The following TMEM232 variants were observed in gnomAD, a reference collection of about 807,000 sequenced individuals.
TMEM232 encodes transmembrane protein 232.
TMEM232 carries 80 observed loss-of-function variants against 78.8 expected under a neutral mutation model. The ratio of observed to expected loss-of-function variants is 1.01; its 90% CI spans 0.85 to 1.22. The LOEUF (loss-of-function observed/expected upper bound fraction) is 1.22. TMEM232 is among the 50% of genes most tolerant of loss of function. The pLI is 0.00. For missense variants in TMEM232, 881 were observed against 742.2 expected (o/e 1.19, Z -2.17); for synonymous variants, 297 against 254.3 (o/e 1.17, Z -1.60).
Position 110,432,974 on chromosome 5 carries a change from G to A in TMEM232, c.1704-8058C>T, listed in dbSNP as rs186568853. ...ATATGCACTCAATATTGGAGCACCC[G>A]GCTTTATAAAACACTTACTTCTAGC... On this transcript the variant is annotated intron_variant, in intron 12 of 13. Coordinates refer to ENST00000455884, the MANE Select transcript of TMEM232 (RefSeq NM_001039763.4). 5.3e-5 allele frequency among the ~76,000 whole-genome samples: 8 copies of A among 151,700 alleles called. No homozygotes were observed. The East Asian group carries it at 1.4e-3, about 26-fold the overall frequency.
intron 12 of TMEM232, among the ~76,000 whole-genome samples, chr5:110,505,495 GTTTTTCTTTTCTTTTCCT>G (rs1277789078): frequency 2.8e-4 from 42 of 152,150 alleles, no homozygotes; most frequent in Non-Finnish European, 4.9e-4. Context: ...AATACACATT[GTTTTTCTTTTCTTTTCCT>G]TTTTTCTTTT....
chr5:110,644,478 C>A (rs1296669413), intron 2 of TMEM232, among the ~76,000 whole-genome samples: 1 of 151,850 alleles, frequency 6.6e-6, no homozygotes, highest in Non-Finnish European at 1.5e-5. Flanking sequence ...CCCAACATTA[C>A]TGCTTCCAAT....
At chr5:110,598,959 T>C (rs1188419156) in intron 10 of TMEM232, among the ~76,000 whole-genome samples, 4 of 151,372 alleles carry the variant, frequency 2.6e-5, no homozygotes, top group Admixed American at 6.6e-5. Context: ...CATGTATACA[T>C]ATGTAACTAA....
At chr5:110,440,754 A>G (rs1561497623) in intron 12 of TMEM232, among the ~76,000 whole-genome samples, 1 of 152,148 alleles carries the variant, frequency 6.6e-6, no homozygotes, top group East Asian at 1.9e-4. Context: ...GAGGCAACCT[A>G]CGCACTATCT....
intron 1 of TMEM232, among the ~76,000 whole-genome samples, chr5:110,696,538 G>A (rs535487261): frequency 6.6e-6 from 1 of 152,172 alleles, no homozygotes; most frequent in East Asian, 1.9e-4. Flanking sequence ...TGACATGATT[G>A]TATATCTAGA....
At position 110,533,850 on chromosome 5, in the gene TMEM232, C is replaced by T. The variant is rs1581118491; in HGVS notation, c.1456-5015G>A. On this transcript the variant is annotated intron_variant, in intron 11 of 13. Transcript: ENST00000455884. ...TTCCACCAGGCCTAATCGCCACACA[C>T]CAGCAAAGGCAGGCTATGCTATAGT... Among the ~76,000 whole-genome samples, 3 of 152,296 alleles carry T rather than the reference C, an allele frequency of 2.0e-5. No homozygotes were observed. The East Asian group carries it at 5.8e-4, about 29-fold the overall frequency.
intron 10 of TMEM232, among the ~76,000 whole-genome samples, chr5:110,600,236 C>T (rs1780713287): frequency 6.6e-6 from 1 of 152,116 alleles, no homozygotes; most frequent in Non-Finnish European, 1.5e-5. Flanking sequence ...AACACCCTAA[C>T]ATCACAGTTA....
intron 12 of TMEM232, among the ~76,000 whole-genome samples, chr5:110,494,535 G>T (rs1224245169): frequency 1.3e-5 from 2 of 151,996 alleles, no homozygotes; most frequent in African/African-American, 2.4e-5. Flanking sequence ...GTGCAGGGAG[G>T]GAAATAGCAT....
chr5:110,670,483 G>A (rs1791212315), intron 1 of TMEM232, among the ~76,000 whole-genome samples: 1 of 151,930 alleles, frequency 6.6e-6, no homozygotes, highest in Non-Finnish European at 1.5e-5. Flanking sequence ...AAATAAAAGA[G>A]GACACAAACA....
chr5:110,657,806 G>C (rs1374769500), intron 2 of TMEM232, among the ~76,000 whole-genome samples: 2 of 152,044 alleles, frequency 1.3e-5, no homozygotes, highest in African/African-American at 4.8e-5. Flanking sequence ...CTTTAAAACA[G>C]CAGTTTCATT....
chr5:110,627,268 C>G (rs1580414249), intron 6 of TMEM232, among the ~76,000 whole-genome samples: 1 of 151,958 alleles, frequency 6.6e-6, no homozygotes, highest in African/African-American at 2.4e-5. Flanking sequence ...ATGAATTTAA[C>G]TTTCCTGAAA....
chr5:110,705,142 G>C (rs564482797), intron 1 of TMEM232, among the ~76,000 whole-genome samples: 72 of 152,152 alleles, frequency 4.7e-4, no homozygotes, highest in Middle Eastern at 6.8e-3. Context: ...CAACATTTTG[G>C]GTTGTCAACC....
chr5:110,423,780 C>CGTGTGTGTGTGTGTGTGTGTGT (rs146104536), intron 13 of TMEM232, among the ~76,000 whole-genome samples: 1 of 142,386 alleles, frequency 7.0e-6, no homozygotes, highest in South Asian at 2.3e-4. Flanking sequence ...TTTATGCGTG[C>CGTGTGTGTGTGTGTGTGTGTGT]GTGTGTGTGT....
chr5:110,586,622 T>A (rs774536529), intron 10 of TMEM232, among the ~76,000 whole-genome samples: 2 of 151,576 alleles, frequency 1.3e-5, no homozygotes, highest in African/African-American at 2.4e-5. Context: ...ATCTCAAGAT[T>A]TTTTTTTACA....
chr5:110,669,444 C>T (rs926033856), intron 1 of TMEM232, among the ~76,000 whole-genome samples: 21 of 152,064 alleles, frequency 1.4e-4, no homozygotes, highest in African/African-American at 2.4e-4. Flanking sequence ...AAGCTGAATC[C>T]CTGAATAGAC....
chr5:110,691,572 T>A (rs114669842), intron 1 of TMEM232, among the ~76,000 whole-genome samples: 35 of 152,346 alleles, frequency 2.3e-4, no homozygotes, highest in African/African-American at 8.4e-4. Flanking sequence ...TAATAAAAAC[T>A]AGGCCTACAT....
intron 10 of TMEM232, among the ~76,000 whole-genome samples, chr5:110,590,999 C>T (rs919768390): frequency 9.9e-5 from 15 of 152,262 alleles, no homozygotes; most frequent in African/African-American, 3.4e-4. Flanking sequence ...TTATAGGTCT[C>T]TCCCTCAACG....
At chr5:110,526,612 A>C (rs1477831805) in intron 12 of TMEM232, among the ~76,000 whole-genome samples, 1 of 151,984 alleles carries the variant, frequency 6.6e-6, no homozygotes, top group Non-Finnish European at 1.5e-5. Flanking sequence ...GTGAGGATAT[A>C]AACTTGCACA....
chr5:110,576,576 C>T (rs958510849), intron 10 of TMEM232, among the ~76,000 whole-genome samples: 17 of 152,026 alleles, frequency 1.1e-4, no homozygotes, highest in Admixed American at 1.3e-4. Context: ...TGAATAGCCA[C>T]GGCAATTCTA....
Sources: allele counts gnomAD v4.1 joint callset (sites outside exome capture counted in the v4.1 genomes callset), GRCh38; gene constraint gnomAD v4.1.1; transcripts MANE v1.5; gene names NCBI Gene and HGNC (gene_info 2026-07-23, HGNC 2026-07-21).